Variants in PLEKHA4 observed in about 807,000 individuals in gnomAD.
The protein encoded by PLEKHA4 is pleckstrin homology domain-containing family A member 4.
PLEKHA4 carries 73 observed loss-of-function variants against 94.7 expected under a neutral mutation model. That is an observed-to-expected ratio of 0.77 (90% CI 0.64 to 0.94). The LOEUF (loss-of-function observed/expected upper bound fraction) is 0.94, where lower values mean the gene tolerates loss of function less well. PLEKHA4 is among the 40% of genes least tolerant of loss of function. PLEKHA4 has a pLI of 0.00. For synonymous variants in PLEKHA4, 449 were observed against 437.1 expected, an observed-to-expected ratio of 1.03 and a Z score of -0.34; for missense variants, 1,049 against 1,054.1, an observed-to-expected ratio of 1.00 and a Z score of 0.07.
intron 13 of PLEKHA4, among the ~76,000 whole-genome samples, chr19:48,850,734 T>C (rs941211230): frequency 6.6e-6 from 1 of 152,056 alleles, no homozygotes; most frequent in Non-Finnish European, 1.5e-5. Flanking sequence ...GGAGAATTGC[T>C]TGAACCTGGG....
intron 6 of PLEKHA4, chr19:48,859,975 TAA>T: frequency 1.8e-6 from 1 of 570,146 alleles, no homozygotes; most frequent in East Asian, 3.0e-5. Flanking sequence ...TGTCAGAGCC[TAA>T]GAGATAGTCT....
At chr19:48,866,844 G>A (rs867673827) in intron 2 of PLEKHA4, among the ~76,000 whole-genome samples, 12 of 152,070 alleles carry the variant, frequency 7.9e-5, no homozygotes, top group Admixed American at 2.0e-4. Flanking sequence ...GGTGCCCTGC[G>A]GTCACACCCC....
chr19:48,853,496 C>A (rs1421751126), intron 12 of PLEKHA4, among the ~76,000 whole-genome samples, 186 bp downstream of exon 12: 3 of 121,132 alleles, frequency 2.5e-5, no homozygotes, highest in African/African-American at 1.4e-4. Flanking sequence ...AAGACTCTGT[C>A]CCCCCCAAAA....
In PLEKHA4 at chr19:48,837,552, C is replaced by T. The variant is rs1168135708; in HGVS notation, c.2078-1G>A. ...TCTCCCTGGGAGTCCAAATTTCCAC[C>T]TGGAGAGGATGAGTGGGACATGAGA... On this transcript the variant is annotated splice_acceptor_variant, in intron 19 of 19. Coordinates refer to ENST00000263265, the MANE Select transcript of PLEKHA4 (RefSeq NM_020904.3). LOFTEE classifies it high-confidence loss of function. This position sits in a 1 kb window ranked among gnomAD's most constrained non-coding sequence, Gnocchi z 4.3. The T allele has an allele frequency of 6.2e-7, 1 of 1,613,288 alleles. No homozygotes were observed. Among genetic ancestry groups the T allele is most frequent in the Non-Finnish European group, 8.5e-7 (1 of 1,179,802 alleles).
intron 14 of PLEKHA4, among the ~76,000 whole-genome samples, chr19:48,846,360 A>C (rs1599877832): frequency 6.6e-6 from 1 of 151,708 alleles, no homozygotes; most frequent in South Asian, 2.1e-4. Flanking sequence ...CTGAGGCAGG[A>C]GAATGGTGTG....
At chr19:48,848,216 G>A (rs2036042344) in intron 13 of PLEKHA4, among the ~76,000 whole-genome samples, 176 bp from the exon 14 acceptor site, 1 of 152,172 alleles carries the variant, frequency 6.6e-6, no homozygotes, top group Non-Finnish European at 1.5e-5. Flanking sequence ...GCTGGGCGCG[G>A]TGGCTCACGC....
At chr19:48,861,194 A>T (rs541726) in intron 5 of PLEKHA4, among the ~76,000 whole-genome samples, 127,656 of 152,168 alleles carry the variant, frequency 0.84, 54,071 homozygotes, top group African/African-American at 0.96. Flanking sequence ...GGTGACAGAG[A>T]GAGACTCTGT....
At chr19:48,860,315 G>T in intron 6 of PLEKHA4, 35 bp downstream of exon 6, 1 of 1,550,162 alleles carries the variant, frequency 6.5e-7, no homozygotes, top group Non-Finnish European at 8.9e-7. Context: ...GACTCAGGGT[G>T]GAGGGTCAGG....
At chr19:48,855,635 T>TAAATAAATAAAA (rs1406810877) in intron 9 of PLEKHA4, among the ~76,000 whole-genome samples, 20 of 142,866 alleles carry the variant, frequency 1.4e-4, no homozygotes, top group African/African-American at 5.1e-4. Flanking sequence ...AATAAATAAA[T>TAAATAAATAAAA]AAAATAAGCT....
chr19:48,845,318 G>T, intron 16 of PLEKHA4, 52 bp downstream of exon 16: 1 of 1,549,786 alleles, frequency 6.5e-7, no homozygotes, highest in South Asian at 1.1e-5. Flanking sequence ...CCAGAAGTGT[G>T]GGGGTCCCTG....
Position 48,867,598 on chromosome 19 carries a change from C to A in PLEKHA4, c.23G>T (p.Ser8Ile). ...GGCGCTGCTGGCCAGGCTCAGGCTG[C>A]TGCGAGGTCGGCTCCCCTCCATCAA... MEGSRPR[S>I]SLSLASSAST... The change falls in exon 2 of 20, where the codon AGC becomes ATC. Residue 8 changes from serine (S) to isoleucine (I), a missense_variant. Ser to Ile is a moderately radical substitution (Grantham distance 142). Transcript: ENST00000263265. The surrounding 1 kb of genome is among the most constrained non-coding windows in gnomAD (Gnocchi z 4.7). 1 of 1,599,608 alleles carries A rather than the reference C, an allele frequency of 6.3e-7. No homozygotes were observed.
At position 48,837,908 on chromosome 19, in the gene PLEKHA4, T is replaced by C. The variant is rs1052118096; in HGVS notation, c.2077+109A>G. The C allele has an allele frequency of 3.4e-6, 3 of 882,906 alleles. No individual in the cohort carries two copies. The highest frequency in any genetic ancestry group is 2.5e-5 in the East Asian group (1 of 39,980). 54.7% of individuals were successfully genotyped at this position (882,906 alleles called of 1,614,324 possible). On this transcript the variant is annotated intron_variant, in intron 19 of 19. Coordinates refer to ENST00000263265, the MANE Select transcript of PLEKHA4 (RefSeq NM_020904.3). The surrounding 1 kb of genome is among the most constrained non-coding windows in gnomAD (Gnocchi z 4.3). ...CTGCCCAACTCTTTACTCACCAAGA[T>C]AAAAAATTCTCACCGGCCCCCAGAC...
At chr19:48,847,816 T>G in intron 14 of PLEKHA4, 84 bp downstream of exon 14, 1 of 1,432,026 alleles carries the variant, frequency 7.0e-7, no homozygotes, top group East Asian at 2.5e-5. Flanking sequence ...CAAGGAAGAA[T>G]TAAAGAGGTG....
chr19:48,861,696 G>C lies in PLEKHA4; in HGVS notation c.193-4C>G. On this transcript the variant is annotated splice_polypyrimidine_tract_variant and splice_region_variant and intron_variant, in intron 3 of 19. Coordinates refer to ENST00000263265, the MANE Select transcript of PLEKHA4 (RefSeq NM_020904.3). ...AGAGACGGAGCCCCGAGCTGTCCTG[G>C]GGAGAGAGATGGGAGGAGGGGCCTG... 2 of 1,613,490 alleles carry C rather than the reference G, an allele frequency of 1.2e-6. No homozygotes were observed. Among genetic ancestry groups the C allele is most frequent in the South Asian group, 1.1e-5 (1 of 91,048 alleles).
At chr19:48,854,762 T>C (rs546176458) in intron 9 of PLEKHA4, among the ~76,000 whole-genome samples, 13 of 143,180 alleles carry the variant, frequency 9.1e-5, no homozygotes, top group Non-Finnish European at 1.8e-4. Context: ...TGCAGTGGCA[T>C]GATCATGGCT....
chr19:48,838,900 GGCA>G lies in PLEKHA4; in HGVS notation c.1964+302_1964+304del, dbSNP rs1303891130. ...CGTGTCTCTAAAATACGTTAAACAT[GGCA>G]CCGCCCTCATACCGCCCACATGCAT... On this transcript the variant is annotated intron_variant, in intron 18 of 19. Coordinates refer to ENST00000263265, the MANE Select transcript of PLEKHA4 (RefSeq NM_020904.3). 4.6e-5 allele frequency among the ~76,000 whole-genome samples: 7 copies of G among 152,066 alleles called. No individual in the cohort carries two copies. In the East Asian group the frequency reaches 1.3e-3, roughly 29 times the overall value.
At chr19:48,847,795 G>A in intron 14 of PLEKHA4, 105 bp downstream of exon 14, 1 of 1,324,214 alleles carries the variant, frequency 7.6e-7, no homozygotes, top group Non-Finnish European at 1.0e-6. Context: ...GTACCAGGTG[G>A]GTTAGCTGAT....
At chr19:48,850,460 T>G (rs1298926106) in intron 13 of PLEKHA4, among the ~76,000 whole-genome samples, 1 of 149,240 alleles carries the variant, frequency 6.7e-6, no homozygotes, top group Non-Finnish European at 1.5e-5. Flanking sequence ...GTCGAGATTG[T>G]GCCACTGCAC....
chr19:48,858,627 C>CAAAAA lies in PLEKHA4; in HGVS notation c.972+228_972+232dup, dbSNP rs56663437. 2.0e-4 allele frequency among the ~76,000 whole-genome samples: 13 copies of CAAAAA among 63,452 alleles called. No individual in the cohort carries two copies. In the East Asian group the frequency reaches 2.5e-3, roughly 12 times the overall value. The allele number at this position is 63,452 out of a possible 152,430, so 41.6% of individuals were successfully genotyped here. On this transcript the variant is annotated intron_variant, in intron 8 of 19. Coordinates refer to ENST00000263265, the MANE Select transcript of PLEKHA4 (RefSeq NM_020904.3). ...TGGCGACAGAGCAAGACCTCAGTCT[C>CAAAAA]AAAAAAAAAAAAAAAAAGCAATGGC...
Sources: gnomAD v4.1 joint callset for allele counts (sites outside exome capture counted in the v4.1 genomes callset) on GRCh38, gnomAD v4.1.1 for gene constraint, Gnocchi (gnomAD v3.1) non-coding constraint, MANE v1.5 for transcripts, NCBI Gene and HGNC (gene_info 2026-07-23, HGNC 2026-07-21) for gene names.